MYRIP: variants seen among roughly 807,000 people sequenced by gnomAD.
The protein encoded by MYRIP is myosin VIIA and Rab interacting protein.
Under a neutral mutation model 98.0 loss-of-function variants are expected in MYRIP, and 49 were observed. The observed-to-expected ratio is 0.50, with a 90% CI of 0.40 to 0.63. MYRIP has a LOEUF of 0.63. Among genes scored for constraint, MYRIP ranks in the 30% least tolerant of loss-of-function variants. MYRIP has a pLI of 0.00. For missense variants in MYRIP, 1,004 were observed against 1,058.2 expected, an observed-to-expected ratio of 0.95 and a Z score of 0.71; for synonymous variants, 404 against 409.5, an observed-to-expected ratio of 0.99 and a Z score of 0.16.
intron 1 of MYRIP, among the ~76,000 whole-genome samples, chr3:39,894,558 G>A (rs1003324841): frequency 1.3e-5 from 2 of 152,110 alleles, no homozygotes; most frequent in Non-Finnish European, 2.9e-5. Flanking sequence ...TAATAGTGTT[G>A]CTGTATACTT....
intron 3 of MYRIP, among the ~76,000 whole-genome samples, chr3:40,110,123 C>A (rs1237970195): frequency 6.6e-6 from 1 of 152,212 alleles, no homozygotes; most frequent in Non-Finnish European, 1.5e-5. Flanking sequence ...CCTTTTGGGA[C>A]AAGGCCCTGC....
intron 1 of MYRIP, among the ~76,000 whole-genome samples, chr3:39,874,379 T>G (rs1942909304): frequency 6.6e-6 from 1 of 151,758 alleles, no homozygotes; most frequent in Non-Finnish European, 1.5e-5. Flanking sequence ...AACACTATGT[T>G]GAATAGGAGT....
At chr3:40,143,439 C>T in intron 3 of MYRIP, among the ~76,000 whole-genome samples, 1 of 152,098 alleles carries the variant, frequency 6.6e-6, no homozygotes, top group East Asian at 1.9e-4. Flanking sequence ...CACCTCTGCC[C>T]CATGAACCAC....
intron 2 of MYRIP, among the ~76,000 whole-genome samples, chr3:39,907,346 T>A (rs1350604961): frequency 1.3e-5 from 2 of 152,246 alleles, no homozygotes; most frequent in Non-Finnish European, 2.9e-5. Flanking sequence ...AAATATCTTA[T>A]GTGCTCATGC....
intron 3 of MYRIP, among the ~76,000 whole-genome samples, chr3:40,123,052 T>C (rs1375589134): frequency 6.6e-6 from 1 of 152,214 alleles, no homozygotes; most frequent in Non-Finnish European, 1.5e-5. Context: ...TTTGTATGAA[T>C]ACATCTAATT....
intron 2 of MYRIP, among the ~76,000 whole-genome samples, chr3:40,022,698 GT>G (rs1947024201): frequency 6.6e-6 from 1 of 152,084 alleles, no homozygotes. Context: ...GCCATTAAGG[GT>G]ATTTTAATGC....
intron 4 of MYRIP, among the ~76,000 whole-genome samples, chr3:40,153,792 C>T (rs1163556562): frequency 2.0e-5 from 3 of 152,194 alleles, no homozygotes; most frequent in Non-Finnish European, 4.4e-5. Flanking sequence ...CAGTGTAAAA[C>T]TCCTTTCACC....
Position 39,831,403 on chromosome 3 carries a change from C to T in MYRIP, c.-31+21487C>T, listed in dbSNP as rs570062689. Among the ~76,000 whole-genome samples, 5 of 152,252 alleles carry T rather than the reference C, an allele frequency of 3.3e-5. No homozygotes were observed. The East Asian group carries it at 9.6e-4, about 29-fold the overall frequency. On this transcript the variant is annotated intron_variant, in intron 1 of 16. Transcript: ENST00000302541. ...AAAGCTGAACTCCTGCTCTTCCCTCCAAAACTGTTCCGTTAGCATTTTTTG... is the reference window on the plus strand; with the variant it reads ...AAAGCTGAACTCCTGCTCTTCCCTCTAAAACTGTTCCGTTAGCATTTTTTG...
chr3:39,979,714 C>T (rs1237345572), intron 2 of MYRIP, among the ~76,000 whole-genome samples: 3 of 150,748 alleles, frequency 2.0e-5, no homozygotes, highest in African/African-American at 2.4e-5. Flanking sequence ...GTCAAAGGAA[C>T]CACCTTTTGT....
At position 40,170,117 on chromosome 3, in the gene MYRIP, C is replaced by G. The variant is rs147996356; in HGVS notation, c.873+24C>G. On this transcript the variant is annotated intron_variant, in intron 8 of 16. Coordinates refer to ENST00000302541, the MANE Select transcript of MYRIP (RefSeq NM_015460.4). ...GGGTGAGTCCCCAAGCAGTGCTGGTCTACCCTCCACACGTGCAGGTCTGGG... is the reference window on the plus strand; with the variant it reads ...GGGTGAGTCCCCAAGCAGTGCTGGTGTACCCTCCACACGTGCAGGTCTGGG... 2.9e-5 allele frequency: 46 copies of G among 1,612,744 alleles called. 1 individual carries two copies. The East Asian group carries it at 6.7e-4, about 23-fold the overall frequency.
chr3:40,169,202 G>A (rs1011034759), intron 7 of MYRIP, among the ~76,000 whole-genome samples: 1 of 152,214 alleles, frequency 6.6e-6, no homozygotes. Flanking sequence ...CTGAAATCCT[G>A]CTGGGCAACA....
At chr3:40,120,492 C>A (rs1249968774) in intron 3 of MYRIP, among the ~76,000 whole-genome samples, 2 of 152,198 alleles carry the variant, frequency 1.3e-5, no homozygotes, top group Non-Finnish European at 2.9e-5. Context: ...GGTGAGGCAG[C>A]ATTCGATGCA....
chr3:39,837,897 A>G (rs1236072074), intron 1 of MYRIP, among the ~76,000 whole-genome samples: 3 of 152,138 alleles, frequency 2.0e-5, no homozygotes, highest in Non-Finnish European at 2.9e-5. Flanking sequence ...TTCCTTGAAC[A>G]GTGGTTTGTA....
chr3:39,877,631 A>C lies in MYRIP; in HGVS notation c.-30-23156A>C, dbSNP rs538071054. On this transcript the variant is annotated intron_variant, in intron 1 of 16. Transcript: ENST00000302541. ...ACTCCAGACCTTGTTTGCCTGGGTA[A>C]CAGCAGCGGTGGCTGCAGAACAGCG... Among the ~76,000 whole-genome samples, 19 of 152,320 alleles carry C rather than the reference A, an allele frequency of 1.2e-4. No homozygotes were observed. The East Asian group carries it at 1.9e-3, about 16-fold the overall frequency.
chr3:39,948,848 C>T (rs1377318715), intron 2 of MYRIP, among the ~76,000 whole-genome samples: 1 of 152,100 alleles, frequency 6.6e-6, no homozygotes, highest in Non-Finnish European at 1.5e-5. Context: ...TACATATAGA[C>T]TACTCTTAGT....
chr3:40,251,737 A>T, intron 15 of MYRIP, 144 bp from the exon 16 acceptor site: 1 of 613,502 alleles, frequency 1.6e-6, no homozygotes, highest in Non-Finnish European at 2.9e-6. Flanking sequence ...AAACAAAAAG[A>T]TCCCATAGTC....
rs191904390 is a variant in MYRIP, at chr3:40,006,003, C to T, written c.111-38047C>T. 5.0e-3 allele frequency among the ~76,000 whole-genome samples: 766 copies of T among 152,176 alleles called. 2 individuals carry two copies. Among genetic ancestry groups the T allele is most frequent in the Middle Eastern group, 0.024 (7 of 294 alleles). ...ATGGAGGTGGCCGAATGGAATTTAG[C>T]TGAGTTAATATTGGTACAAGGAGCT... On this transcript the variant is annotated intron_variant, in intron 2 of 16. Coordinates refer to ENST00000302541, the MANE Select transcript of MYRIP (RefSeq NM_015460.4).
intron 11 of MYRIP, among the ~76,000 whole-genome samples, chr3:40,219,585 T>G (rs189788879): frequency 0.02 from 2,969 of 151,630 alleles, 88 homozygotes; most frequent in African/African-American, 0.067. Flanking sequence ...ACATGCGGTG[T>G]TTGGTTTTTT....
At chr3:39,934,449 C>G (rs1575393249) in intron 2 of MYRIP, among the ~76,000 whole-genome samples, 1 of 152,098 alleles carries the variant, frequency 6.6e-6, no homozygotes, top group East Asian at 1.9e-4. Flanking sequence ...GTCTGGGACC[C>G]AGGCTGGGAG....
Sources: allele counts gnomAD v4.1 joint callset (sites outside exome capture counted in the v4.1 genomes callset), GRCh38; gene constraint gnomAD v4.1.1; transcripts MANE v1.5; gene names NCBI Gene and HGNC (gene_info 2026-07-23, HGNC 2026-07-21).